Variants in VWA8 observed in about 807,000 individuals in gnomAD.
VWA8 encodes the protein von Willebrand factor A domain containing 8.
In VWA8, 221 loss-of-function variants were observed where a neutral mutation model predicts 241.5. That is an observed-to-expected ratio of 0.91 (90% CI 0.82 to 1.02). The LOEUF (loss-of-function observed/expected upper bound fraction) is 1.02, where lower values mean the gene tolerates loss of function less well. Among genes scored for constraint, VWA8 ranks in the 50% least tolerant of loss-of-function variants. VWA8 has a pLI of 0.00. For missense variants in VWA8, 2,322 were observed against 2,328.7 expected, an observed-to-expected ratio of 1.00 and a Z score of 0.06; for synonymous variants, 852 against 827.1, an observed-to-expected ratio of 1.03 and a Z score of -0.52.
At chr13:41,676,812 T>C (rs1454204577) in intron 35 of VWA8, among the ~76,000 whole-genome samples, 2 of 152,036 alleles carry the variant, frequency 1.3e-5, no homozygotes, top group East Asian at 3.9e-4. Flanking sequence ...TTTGTATTTT[T>C]AGTAGAGACG....
chr13:41,570,723 T>G lies in VWA8; in HGVS notation c.5371-17A>C, dbSNP rs762645021. On this transcript the variant is annotated splice_polypyrimidine_tract_variant and intron_variant, in intron 43 of 44. Transcript: ENST00000379310. Reference sequence around the variant, plus strand: ...ATGCATTGTCTGGAGGTAAAAGAAGTTGCACAAAAGCCATGGCTGAGAAAC... The same window carrying G: ...ATGCATTGTCTGGAGGTAAAAGAAGGTGCACAAAAGCCATGGCTGAGAAAC... 2 of 1,603,140 alleles carry G rather than the reference T, an allele frequency of 1.2e-6. No homozygotes were observed. Among genetic ancestry groups the G allele is most frequent in the East Asian group, 2.2e-5 (1 of 44,618 alleles).
intron 26 of VWA8, among the ~76,000 whole-genome samples, chr13:41,712,105 G>C (rs183464098): frequency 9.9e-4 from 150 of 152,228 alleles, no homozygotes; most frequent in Non-Finnish European, 1.7e-3. Flanking sequence ...GAGTGGGTGG[G>C]AGGGGCTTAT....
chr13:41,570,380 C>T, intron 44 of VWA8, 88 bp downstream of exon 44: 1 of 1,214,578 alleles, frequency 8.2e-7, no homozygotes, highest in Non-Finnish European at 1.2e-6. Context: ...CTCACTGTCC[C>T]TCATGGTGCT....
intron 42 of VWA8, among the ~76,000 whole-genome samples, chr13:41,578,139 TTCTTCCC>T (rs1386125157): frequency 6.6e-6 from 1 of 152,248 alleles, no homozygotes; most frequent in Non-Finnish European, 1.5e-5. Flanking sequence ...TTTTTCTTCC[TTCTTCCC>T]TCTTCCCTTT....
chr13:41,729,342 T>C (rs1212935863), intron 23 of VWA8, among the ~76,000 whole-genome samples, 200 bp downstream of exon 23: 1 of 152,060 alleles, frequency 6.6e-6, no homozygotes, highest in Non-Finnish European at 1.5e-5. Flanking sequence ...ATTTCAAAGA[T>C]GCTTGGTGGG....
intron 2 of VWA8, among the ~76,000 whole-genome samples, chr13:41,936,131 T>C (rs1593882459): frequency 1.3e-5 from 2 of 152,202 alleles, no homozygotes; most frequent in African/African-American, 4.8e-5. Context: ...AAAGAAGTCA[T>C]ATGAACTCAT....
chr13:41,861,172 C>CT (rs1436816311), intron 12 of VWA8, among the ~76,000 whole-genome samples: 1 of 152,040 alleles, frequency 6.6e-6, no homozygotes, highest in Non-Finnish European at 1.5e-5. Context: ...GACTGCACCA[C>CT]TGCACTACAG....
At chr13:41,603,694 C>T (rs2044536146) in intron 40 of VWA8, among the ~76,000 whole-genome samples, 1 of 152,036 alleles carries the variant, frequency 6.6e-6, no homozygotes, top group Admixed American at 6.6e-5. Context: ...CCACTGTCTC[C>T]CACCAGGGTG....
chr13:41,749,978 C>G (rs1018145576), intron 21 of VWA8, among the ~76,000 whole-genome samples: 14 of 151,830 alleles, frequency 9.2e-5, no homozygotes, highest in African/African-American at 3.4e-4. Flanking sequence ...ACATATGTAA[C>G]AAACCTGCGC....
At chr13:41,746,110 A>G (rs1008609695) in intron 21 of VWA8, among the ~76,000 whole-genome samples, 1 of 152,192 alleles carries the variant, frequency 6.6e-6, no homozygotes, top group African/African-American at 2.4e-5. Context: ...GTAGAATCAA[A>G]TTTGGAAAAA....
intron 3 of VWA8, among the ~76,000 whole-genome samples, 167 bp downstream of exon 3, chr13:41,911,871 T>A (rs1876015664): frequency 6.6e-6 from 1 of 152,180 alleles, no homozygotes; most frequent in South Asian, 2.1e-4. Context: ...TACATTTGAC[T>A]CCCAAATAAC....
intron 43 of VWA8, among the ~76,000 whole-genome samples, chr13:41,573,486 A>AAAAAAAAAATAT: frequency 2.6e-5 from 3 of 113,614 alleles, no homozygotes; most frequent in African/African-American, 1.0e-4. Context: ...AAAAAAAAAA[A>AAAAAAAAAATAT]ATATATATAT....
intron 21 of VWA8, among the ~76,000 whole-genome samples, chr13:41,745,709 C>T (rs527608397): frequency 5.6e-4 from 85 of 152,206 alleles, no homozygotes; most frequent in African/African-American, 2.0e-3. Context: ...CAGTAAACAA[C>T]AGGTGCTGGA....
chr13:41,643,810 C>T lies in VWA8; in HGVS notation c.4611+27136G>A, dbSNP rs149466173. Among the ~76,000 whole-genome samples the T allele has an allele frequency of 1.1e-3, 163 of 151,564 alleles. 5 individuals carry two copies. The highest frequency in any genetic ancestry group is 3.7e-3 in the African/African-American group (151 of 41,296). On this transcript the variant is annotated intron_variant, in intron 37 of 44. Transcript: ENST00000379310. Reference sequence around the variant, plus strand: ...AAAGCAGCTCTTTCTGTTTTCTAACCGGTTTGCCCAGAGAGGTCCCACTTT... The same window carrying T: ...AAAGCAGCTCTTTCTGTTTTCTAACTGGTTTGCCCAGAGAGGTCCCACTTT...
chr13:41,742,635 A>G (rs1317212608), intron 21 of VWA8, among the ~76,000 whole-genome samples: 2 of 152,242 alleles, frequency 1.3e-5, no homozygotes, highest in East Asian at 3.8e-4. Context: ...ATTAAAAATT[A>G]AAGAAGGATA....
rs541518146 is a variant in VWA8 at position 41,746,983 on chromosome 13, C to T, written c.2426+14145G>A. ...GATTCAGCACAATAAACTCAAGCAGCAGTTTTGGTTACTGTAGCCTTGTAA... is the reference window on the plus strand; with the variant it reads ...GATTCAGCACAATAAACTCAAGCAGTAGTTTTGGTTACTGTAGCCTTGTAA... On this transcript the variant is annotated intron_variant, in intron 21 of 44. Coordinates refer to ENST00000379310, the MANE Select transcript of VWA8 (RefSeq NM_015058.2). Among the ~76,000 whole-genome samples the T allele has an allele frequency of 3.7e-4, 56 of 152,296 alleles. 1 individual carries two copies. In the South Asian group the frequency reaches 0.011, roughly 29 times the overall value.
Position 41,586,036 on chromosome 13 carries a change from T to TA in VWA8, c.5271+1475dup, listed in dbSNP as rs567784366. 4.6e-5 allele frequency among the ~76,000 whole-genome samples: 7 copies of TA among 152,114 alleles called. No homozygotes were observed. In the East Asian group the frequency reaches 1.4e-3, roughly 29 times the overall value. On this transcript the variant is annotated intron_variant, in intron 42 of 44. Coordinates refer to ENST00000379310, the MANE Select transcript of VWA8 (RefSeq NM_015058.2). ...GGTAGGATATGGGTATTTATGCTGA[T>TA]ACAATAGATGTCTAAAAATTCTTTA...
chr13:41,571,367 G>A (rs1242042225), intron 43 of VWA8, among the ~76,000 whole-genome samples: 1 of 97,406 alleles, frequency 1.0e-5, no homozygotes, highest in Non-Finnish European at 2.0e-5. Flanking sequence ...CCCTCTCCCC[G>A]GTCTCCCTCT....
chr13:41,751,958 T>C (rs2045659612), intron 21 of VWA8, among the ~76,000 whole-genome samples: 2 of 152,298 alleles, frequency 1.3e-5, no homozygotes, highest in African/African-American at 4.8e-5. Flanking sequence ...AACAAATACT[T>C]ACTGGACATC....
Sources: gnomAD v4.1 joint callset for allele counts (sites outside exome capture counted in the v4.1 genomes callset) on GRCh38, gnomAD v4.1.1 for gene constraint, MANE v1.5 for transcripts, NCBI Gene and HGNC (gene_info 2026-07-23, HGNC 2026-07-21) for gene names.